MILR1: variants seen among roughly 807,000 people sequenced by gnomAD.
MILR1 encodes mast cell immunoglobulin like receptor 1.
Under a neutral mutation model 18.5 loss-of-function variants are expected in MILR1, and 31 were observed. That is an observed-to-expected ratio of 1.68 (90% confidence interval 1.26 to 2.26). The LOEUF is 2.26. Ranked by LOEUF, MILR1 falls within the 30% of genes most tolerant of loss-of-function variation. The probability of loss-of-function intolerance (pLI) is 0.00; values close to 1 mark genes in which losing one functional copy is unlikely to be tolerated. For missense variants in MILR1, 257 were observed against 157.4 expected, an observed-to-expected ratio of 1.63 and a Z score of -3.38; for synonymous variants, 85 against 56.2, an observed-to-expected ratio of 1.51 and a Z score of -2.30.
downstream of MILR1, among the ~76,000 whole-genome samples, chr17:64,470,604 C>T (rs2037673561): frequency 6.6e-6 from 1 of 152,132 alleles, no homozygotes; most frequent in African/African-American, 2.4e-5. Flanking sequence ...ATGTCCACAT[C>T]CCAAGGCCTA....
At chr17:64,449,764 C>T (rs1188416926) in intron 2 of MILR1, among the ~76,000 whole-genome samples, 4 of 151,804 alleles carry the variant, frequency 2.6e-5, no homozygotes, top group African/African-American at 4.8e-5. Context: ...AGTGATACCT[C>T]GTTTCTTAAA....
chr17:64,482,869 G>A, the MILR1 span: 3 of 1,078,278 alleles, frequency 2.8e-6, no homozygotes, highest in African/African-American at 3.2e-5. Context: ...AGCGTTTTTG[G>A]ATAATACTCA....
chr17:64,450,857 C>T (rs1479714222), intron 2 of MILR1, among the ~76,000 whole-genome samples: 2 of 152,098 alleles, frequency 1.3e-5, no homozygotes, highest in Non-Finnish European at 2.9e-5. Flanking sequence ...TATTTATTGC[C>T]CTGCTTTTTG....
chr17:64,485,573 T>C, the MILR1 span: 1 of 664,688 alleles, frequency 1.5e-6, no homozygotes, highest in Non-Finnish European at 2.7e-6. Flanking sequence ...TTCTTATTCC[T>C]GTGGCCAGAT....
chr17:64,461,072 A>C, intron 5 of MILR1, 140 bp downstream of exon 5: 1 of 356,484 alleles, frequency 2.8e-6, no homozygotes, highest in Non-Finnish European at 5.2e-6. Flanking sequence ...AACATGAGAA[A>C]GGGGGGCGGG....
intron 3 of MILR1, among the ~76,000 whole-genome samples, chr17:64,453,733 C>T (rs2037228286): frequency 6.6e-6 from 1 of 151,684 alleles, no homozygotes; most frequent in South Asian, 2.1e-4. Context: ...GCATTAAGGG[C>T]CTCATCCGTG....
At chr17:64,474,643 G>A in the MILR1 span, among the ~76,000 whole-genome samples, 1 of 151,806 alleles carries the variant, frequency 6.6e-6, no homozygotes, top group African/African-American at 2.4e-5. Flanking sequence ...CCAAAGTATT[G>A]GGATTACAGG....
chr17:64,451,067 G>A (rs941548826), intron 2 of MILR1, among the ~76,000 whole-genome samples: 1 of 152,054 alleles, frequency 6.6e-6, no homozygotes, highest in African/African-American at 2.4e-5. Context: ...AGTCACCAAC[G>A]GTGGGTGAGT....
At chr17:64,476,051 C>T in the MILR1 span, among the ~76,000 whole-genome samples, 1 of 152,046 alleles carries the variant, frequency 6.6e-6, no homozygotes, top group Non-Finnish European at 1.5e-5. Context: ...AGGTAATCCA[C>T]CTGCCTCAGC....
intron 5 of MILR1, 63 bp from the exon 6 acceptor site, chr17:64,465,389 C>A: frequency 8.5e-7 from 1 of 1,181,532 alleles, no homozygotes; most frequent in Non-Finnish European, 1.2e-6. Context: ...GCTCCTTGGC[C>A]GAGGAGATGA....
the MILR1 span, among the ~76,000 whole-genome samples, chr17:64,483,605 T>C: frequency 6.6e-6 from 1 of 151,746 alleles, no homozygotes; most frequent in Non-Finnish European, 1.5e-5. Context: ...CTTTGGACCC[T>C]ACCAGCCTGG....
chr17:64,492,628 A>T, the MILR1 span: 1 of 1,162,426 alleles, frequency 8.6e-7, no homozygotes. Context: ...AAGACAATTT[A>T]TGTATTAACT....
chr17:64,460,762 G>A (rs2037413330), intron 4 of MILR1, 60 bp from the exon 5 acceptor site: 2 of 468,724 alleles, frequency 4.3e-6, no homozygotes, highest in Non-Finnish European at 7.8e-6. Flanking sequence ...AACACTTACT[G>A]GCTTAATGTC....
At chr17:64,492,548 A>T in the MILR1 span, 3 of 668,974 alleles carry the variant, frequency 4.5e-6, no homozygotes, top group African/African-American at 1.9e-5. Flanking sequence ...TTGTATTTGT[A>T]TAATATATTA....
chr17:64,465,342 C>T (rs2037529484), intron 5 of MILR1, 110 bp from the exon 6 acceptor site: 1 of 769,704 alleles, frequency 1.3e-6, no homozygotes, highest in South Asian at 1.6e-5. Flanking sequence ...GCCATTGGAG[C>T]AAGTCACTCT....
At chr17:64,462,719 C>A (rs1028663886) in intron 5 of MILR1, among the ~76,000 whole-genome samples, 4 of 151,380 alleles carry the variant, frequency 2.6e-5, no homozygotes, top group Admixed American at 6.6e-5. Flanking sequence ...CGGCTCACAG[C>A]AGCCTCTGTC....
At chr17:64,486,143 A>G in the MILR1 span, among the ~76,000 whole-genome samples, 11 of 152,252 alleles carry the variant, frequency 7.2e-5, no homozygotes, top group South Asian at 6.2e-4. Flanking sequence ...TGGGCCCACG[A>G]AGACGATAAA....
chr17:64,454,131 T>C (rs2037238179), intron 3 of MILR1, among the ~76,000 whole-genome samples: 1 of 152,074 alleles, frequency 6.6e-6, no homozygotes, highest in South Asian at 2.1e-4. Flanking sequence ...GGTTTCACCA[T>C]GTTGACCAGG....
intron 2 of MILR1, among the ~76,000 whole-genome samples, 177 bp downstream of exon 2, chr17:64,449,532 C>A (rs1411635380): frequency 6.6e-6 from 1 of 152,142 alleles, no homozygotes; most frequent in Non-Finnish European, 1.5e-5. Flanking sequence ...GGGATTGCAG[C>A]ATTTTTTTCT....
Sources: gnomAD v4.1 joint callset for allele counts (sites outside exome capture counted in the v4.1 genomes callset) on GRCh38, gnomAD v4.1.1 for gene constraint, MANE v1.5 for transcripts, NCBI Gene and HGNC (gene_info 2026-07-23, HGNC 2026-07-21) for gene names.